CREB3L2: variants seen among roughly 807,000 people sequenced by gnomAD.
CREB3L2 encodes the protein cAMP responsive element binding protein 3 like 2.
In CREB3L2, 23 loss-of-function variants were observed where a neutral mutation model predicts 57.2. The ratio of observed to expected loss-of-function variants is 0.40; its 90% confidence interval spans 0.29 to 0.57. The LOEUF is 0.57. Among genes scored for constraint, CREB3L2 ranks in the 20% least tolerant of loss-of-function variants. The pLI is 0.42. For missense variants in CREB3L2, 628 were observed against 634.7 expected (o/e 0.99, Z 0.11); for synonymous variants, 268 against 265.1 (o/e 1.01, Z -0.11).
At chr7:137,908,102 G>T in intron 5 of CREB3L2, 150 bp downstream of exon 5, 1 of 481,936 alleles carries the variant, frequency 2.1e-6, no homozygotes. Flanking sequence ...GTTCTTTAGG[G>T]TTGACATCAC....
intron 8 of CREB3L2, among the ~76,000 whole-genome samples, chr7:137,891,955 A>ATG (rs149950411): frequency 6.6e-6 from 1 of 152,022 alleles, no homozygotes; most frequent in East Asian, 1.9e-4. Context: ...GGGTGCACAT[A>ATG]TGTGTGTGTG....
intron 1 of CREB3L2, among the ~76,000 whole-genome samples, chr7:137,951,922 G>C (rs971589088): frequency 1.3e-5 from 2 of 152,114 alleles, no homozygotes; most frequent in Non-Finnish European, 2.9e-5. Flanking sequence ...CCCAGGAGGT[G>C]GAGGCTCTAG....
intron 1 of CREB3L2, among the ~76,000 whole-genome samples, chr7:137,966,776 G>A (rs1324899801): frequency 6.6e-6 from 1 of 152,176 alleles, no homozygotes; most frequent in Non-Finnish European, 1.5e-5. Context: ...CTGAATCCTT[G>A]TCTCTGCCTC....
rs112598432 is a variant in CREB3L2, at chr7:137,978,356, G to C, written c.102+23248C>G. 3.9e-5 allele frequency among the ~76,000 whole-genome samples: 6 copies of C among 152,042 alleles called. No homozygotes were observed. The South Asian group carries it at 6.2e-4, about 16-fold the overall frequency. On this transcript the variant is annotated intron_variant, in intron 1 of 11. Transcript: ENST00000330387. The stretch of plus-strand genomic sequence containing the variant: ...GAAGTCAGAACAGCTGAAAACACTG[G>C]GTCCAAATTCCTATATGGTAAGGGT...
Position 137,983,619 on chromosome 7 carries a change from A to C in CREB3L2, c.102+17985T>G, listed in dbSNP as rs1488204455. On this transcript the variant is annotated intron_variant, in intron 1 of 11. Coordinates refer to ENST00000330387, the MANE Select transcript of CREB3L2 (RefSeq NM_194071.4). ...ACACACCATTGTGAGCCGCCAAATA[A>C]CAGACCTTTATAAATCCCTGGTCAA... Among the ~76,000 whole-genome samples the C allele has an allele frequency of 5.9e-5, 9 of 152,252 alleles. No homozygotes were observed. The South Asian group carries it at 6.2e-4, about 11-fold the overall frequency.
At chr7:137,901,523 G>A in intron 7 of CREB3L2, 101 bp from the exon 8 acceptor site, 1 of 690,086 alleles carries the variant, frequency 1.4e-6, no homozygotes, top group Non-Finnish European at 2.6e-6. Context: ...GGAGGGTTGG[G>A]GGGATCTGCC....
intron 8 of CREB3L2, among the ~76,000 whole-genome samples, chr7:137,889,193 A>C (rs555743656): frequency 6.6e-6 from 1 of 152,194 alleles, no homozygotes; most frequent in Non-Finnish European, 1.5e-5. Flanking sequence ...GTCTCCTAGG[A>C]GGCTCCCCAG....
chr7:137,962,334 G>C (rs1030814124), intron 1 of CREB3L2, among the ~76,000 whole-genome samples: 2 of 152,134 alleles, frequency 1.3e-5, no homozygotes, highest in African/African-American at 4.8e-5. Flanking sequence ...GAAGGATCCT[G>C]AGTGTGTATT....
intron 1 of CREB3L2, among the ~76,000 whole-genome samples, chr7:137,973,059 GAGAAATTGA>G (rs1428044053): frequency 6.6e-6 from 1 of 151,106 alleles, no homozygotes; most frequent in Non-Finnish European, 1.5e-5. Flanking sequence ...AAATCCACAT[GAGAAATTGA>G]AGAAATAGCA....
intron 3 of CREB3L2, among the ~76,000 whole-genome samples, chr7:137,914,666 C>T (rs1456722068): frequency 6.6e-6 from 1 of 151,956 alleles, no homozygotes; most frequent in Middle Eastern, 3.2e-3. Flanking sequence ...AACTAAAATT[C>T]TGTGGAGCAA....
intron 3 of CREB3L2, 133 bp from the exon 4 acceptor site, chr7:137,913,211 G>A: frequency 1.2e-6 from 1 of 839,354 alleles, no homozygotes; most frequent in Non-Finnish European, 1.8e-6. Context: ...CTGAGTGTAG[G>A]CAACTTCCCT....
In CREB3L2 at chr7:137,915,913, G is replaced by T; in HGVS notation, c.419C>A (p.Pro140Gln). The change falls in exon 3 of 12, where the codon CCG (proline) becomes CAG (glutamine). Residue 140 changes from proline to glutamine, a missense_variant. Around this residue, in one of 3 missense-constraint regions of CREB3L2, gnomAD observed 339 missense variants for 355.4 expected, o/e 0.95. Transcript: ENST00000330387. ...GGCTGTGATGGTCAGAGTGACAGAC[G>T]GAACGAGTCCTGGGGGTGGTTCGTC... ...VTDEPPPGLVPSVTLTITAIS... is the reference protein window; with the variant it reads ...VTDEPPPGLVQSVTLTITAIS... 1 of 1,614,154 alleles carries T rather than the reference G, an allele frequency of 6.2e-7. No individual in the cohort carries two copies. The highest frequency in any genetic ancestry group is 1.1e-5 in the South Asian group (1 of 91,090).
Position 137,905,674 on chromosome 7 carries a change from T to C in CREB3L2, c.915+28A>G, listed in dbSNP as rs775268604. 5.6e-6 allele frequency: 9 copies of C among 1,612,850 alleles called. No individual in the cohort carries two copies. The South Asian group carries it at 7.7e-5, about 14-fold the overall frequency. On this transcript the variant is annotated intron_variant, in intron 6 of 11. Coordinates refer to ENST00000330387, the MANE Select transcript of CREB3L2 (RefSeq NM_194071.4). ...GACTCGATTCTGCTCGTCTCTGCTC[T>C]AGAAGTGCCTAGATTTGAAGAGCTC... is the stretch of plus-strand genomic sequence containing the variant.
intron 2 of CREB3L2, among the ~76,000 whole-genome samples, chr7:137,922,413 T>TATATAC (rs1800326634): frequency 1.4e-4 from 3 of 21,118 alleles, no homozygotes; most frequent in African/African-American, 6.0e-4. Context: ...TATATATATA[T>TATATAC]ATGTATATAT....
chr7:137,992,302 G>A (rs1801912961), intron 1 of CREB3L2, among the ~76,000 whole-genome samples: 1 of 152,162 alleles, frequency 6.6e-6, no homozygotes, highest in Non-Finnish European at 1.5e-5. Flanking sequence ...ACAAGCAAAA[G>A]TCTAGGCAAA....
chr7:137,982,933 T>C (rs910270571), intron 1 of CREB3L2, among the ~76,000 whole-genome samples: 5 of 152,024 alleles, frequency 3.3e-5, no homozygotes, highest in African/African-American at 7.2e-5. Context: ...CAGGAGGACA[T>C]AGTGAGAAGA....
intron 1 of CREB3L2, among the ~76,000 whole-genome samples, chr7:137,966,882 T>C (rs1247973942): frequency 2.6e-5 from 4 of 152,124 alleles, no homozygotes; most frequent in African/African-American, 9.7e-5. Context: ...AAGGAGGGTG[T>C]TATGAACTGA....
chr7:137,915,633 CG>C (rs1489275791), intron 3 of CREB3L2, among the ~76,000 whole-genome samples: 2 of 152,010 alleles, frequency 1.3e-5, no homozygotes, highest in Non-Finnish European at 2.9e-5. Context: ...TAATTTTTTC[CG>C]AACAATGGCT....
intron 1 of CREB3L2, among the ~76,000 whole-genome samples, chr7:137,998,484 G>A (rs993516881): frequency 7.2e-5 from 11 of 152,172 alleles, no homozygotes; most frequent in African/African-American, 1.7e-4. Flanking sequence ...CTCTTATTCA[G>A]TTCCTTCTCT....
Sources: gnomAD v4.1 joint callset for allele counts (sites outside exome capture counted in the v4.1 genomes callset) on GRCh38, gnomAD v4.1.1 for gene constraint, gnomAD v4.1.1 regional missense constraint, MANE v1.5 for transcripts, NCBI Gene and HGNC (gene_info 2026-07-23, HGNC 2026-07-21) for gene names.